TTC21B: variants seen among roughly 807,000 people sequenced by gnomAD.
TTC21B encodes the protein tetratricopeptide repeat domain 21B.
In TTC21B, 127 loss-of-function variants were observed where a neutral mutation model predicts 175.1. That is an observed-to-expected ratio of 0.73 (90% CI 0.63 to 0.84). TTC21B has a LOEUF of 0.84. Ranked by LOEUF, TTC21B falls within the 40% of genes least tolerant of loss-of-function variation. TTC21B has a pLI of 0.00. For missense variants in TTC21B, 1,561 were observed against 1,558.3 expected (o/e 1.00, Z -0.03); for synonymous variants, 524 against 524.5 (o/e 1.00, Z 0.01).
At chr2:165,891,841 T>G (rs1685207309) in intron 22 of TTC21B, among the ~76,000 whole-genome samples, 1 of 151,954 alleles carries the variant, frequency 6.6e-6, no homozygotes, top group South Asian at 2.1e-4. Context: ...GATTAGCACA[T>G]TTTGGTGTGC....
chr2:165,927,295 T>G (rs1686701872), intron 11 of TTC21B, among the ~76,000 whole-genome samples: 12 of 103,266 alleles, frequency 1.2e-4, no homozygotes, highest in African/African-American at 4.1e-4. Context: ...TCCTAGTAGT[T>G]ATATATATAT....
At chr2:165,886,484 C>A (rs1574067179) in intron 25 of TTC21B, among the ~76,000 whole-genome samples, 1 of 152,032 alleles carries the variant, frequency 6.6e-6, no homozygotes, top group East Asian at 1.9e-4. Context: ...TGAATACATG[C>A]AGCCTAGGAG....
intron 19 of TTC21B, among the ~76,000 whole-genome samples, chr2:165,906,213 A>C (rs1404852208): frequency 6.6e-6 from 1 of 151,202 alleles, no homozygotes; most frequent in African/African-American, 2.4e-5. Flanking sequence ...GAAAATAACA[A>C]AAGCTCGAAA....
At chr2:165,897,290 G>A (rs1275013005) in intron 22 of TTC21B, among the ~76,000 whole-genome samples, 2 of 152,184 alleles carry the variant, frequency 1.3e-5, no homozygotes, top group Non-Finnish European at 2.9e-5. Flanking sequence ...TAATCTATGT[G>A]GAAGATGGCA....
intron 5 of TTC21B, among the ~76,000 whole-genome samples, chr2:165,941,800 T>C (rs2105361448): frequency 6.6e-6 from 1 of 152,208 alleles, no homozygotes; most frequent in African/African-American, 2.4e-5. Flanking sequence ...TTTAATAAAA[T>C]GTTAAGTAAT....
At chr2:165,952,093 C>CA (rs765417709) in intron 1 of TTC21B, among the ~76,000 whole-genome samples, 14 of 152,202 alleles carry the variant, frequency 9.2e-5, no homozygotes, top group Admixed American at 5.9e-4. Context: ...ATCAATGGTA[C>CA]ATTGGGATGG....
At chr2:165,938,180 A>C (rs1687230830) in intron 6 of TTC21B, among the ~76,000 whole-genome samples, 1 of 152,060 alleles carries the variant, frequency 6.6e-6, no homozygotes, top group African/African-American at 2.4e-5. Flanking sequence ...ATTACCAATG[A>C]AGGATGCTAA....
At chr2:165,919,163 C>T in intron 13 of TTC21B, 113 bp downstream of exon 13, 53 of 1,267,596 alleles carry the variant, frequency 4.2e-5, no homozygotes, top group Admixed American at 2.2e-4. Flanking sequence ...TTTTTTTTTC[C>T]ATTAAAAATG....
At position 165,874,671 on chromosome 2, in the gene TTC21B, G is replaced by C; in HGVS notation, c.*84C>G. The C allele has an allele frequency of 1.6e-5, 20 of 1,278,586 alleles. No individual in the cohort carries two copies. The highest frequency in any genetic ancestry group is 2.2e-5 in the Non-Finnish European group (19 of 878,772). The allele number at this position is 1,278,586 out of a possible 1,614,324, so 79.2% of individuals were successfully genotyped here. The stretch of plus-strand genomic sequence containing the variant: ...TATACTTCTAATAACAAAGCACTGA[G>C]CTCAAACCTGTTTTGAACAGGAAGA... On this transcript the variant is annotated 3_prime_UTR_variant, in exon 29 of 29. Coordinates refer to ENST00000243344, the MANE Select transcript of TTC21B (RefSeq NM_024753.5).
intron 15 of TTC21B, among the ~76,000 whole-genome samples, chr2:165,914,863 G>A (rs529446853): frequency 2.3e-4 from 35 of 151,850 alleles, no homozygotes; most frequent in African/African-American, 7.7e-4. Flanking sequence ...TGCCTATCCC[G>A]TAGATTATTG....
At chr2:165,927,054 A>C in intron 11 of TTC21B, among the ~76,000 whole-genome samples, 1 of 97,202 alleles carries the variant, frequency 1.0e-5, no homozygotes, top group African/African-American at 4.2e-5. Flanking sequence ...GTGTATATAT[A>C]TATATCCTAG....
At chr2:165,884,111 T>C (rs1000977681) in intron 25 of TTC21B, 93 bp from the exon 26 acceptor site, 3 of 967,090 alleles carry the variant, frequency 3.1e-6, no homozygotes, top group Non-Finnish European at 3.2e-6. Flanking sequence ...AAGAACTAGT[T>C]TGTGGATTCT....
At chr2:165,917,556 A>G in intron 13 of TTC21B, 75 bp from the exon 14 acceptor site, 1 of 1,173,930 alleles carries the variant, frequency 8.5e-7, no homozygotes. Context: ...TCAAACATTA[A>G]AATAATGAGA....
intron 12 of TTC21B, among the ~76,000 whole-genome samples, 182 bp downstream of exon 12, chr2:165,924,367 T>G (rs1023117303): frequency 6.6e-6 from 1 of 152,194 alleles, no homozygotes; most frequent in African/African-American, 2.4e-5. Context: ...TTATAGTAAT[T>G]TTTAAAGGAT....
At chr2:165,932,440 T>C (rs1014832143) in intron 7 of TTC21B, among the ~76,000 whole-genome samples, 1 of 152,248 alleles carries the variant, frequency 6.6e-6, no homozygotes, top group Non-Finnish European at 1.5e-5. Context: ...CTACATGTTA[T>C]ACTAATATTA....
At chr2:165,931,335 T>C (rs527314512) in intron 8 of TTC21B, among the ~76,000 whole-genome samples, 33 of 152,236 alleles carry the variant, frequency 2.2e-4, no homozygotes, top group Admixed American at 2.2e-3. Flanking sequence ...GAGCTTATAA[T>C]AAAAACATTT....
intron 6 of TTC21B, among the ~76,000 whole-genome samples, chr2:165,935,221 T>C (rs533655959): frequency 9.8e-5 from 15 of 152,312 alleles, no homozygotes; most frequent in Non-Finnish European, 1.8e-4. Context: ...GAAACATTCT[T>C]CTATTACACT....
intron 16 of TTC21B, among the ~76,000 whole-genome samples, chr2:165,913,262 G>T (rs1686023367): frequency 6.6e-6 from 1 of 152,084 alleles, no homozygotes; most frequent in Non-Finnish European, 1.5e-5. Context: ...TTGATCTCAA[G>T]TGATCCACCA....
intron 24 of TTC21B, 63 bp from the exon 25 acceptor site, chr2:165,888,537 G>T: frequency 7.4e-7 from 1 of 1,351,220 alleles, no homozygotes; most frequent in East Asian, 2.4e-5. Context: ...ATTGAGATTA[G>T]AATCAGCTTT....
Sources: gnomAD v4.1 joint callset for allele counts (sites outside exome capture counted in the v4.1 genomes callset) on GRCh38, gnomAD v4.1.1 for gene constraint, MANE v1.5 for transcripts, NCBI Gene and HGNC (gene_info 2026-07-23, HGNC 2026-07-21) for gene names.